LYPD6: variants seen among roughly 807,000 people sequenced by gnomAD.
LYPD6 encodes LY6/PLAUR domain containing 6.
LYPD6 carries 15 observed loss-of-function variants against 22.7 expected under a neutral mutation model. The ratio of observed to expected loss-of-function variants is 0.66; its 90% CI spans 0.44 to 1.02. The LOEUF (loss-of-function observed/expected upper bound fraction) is 1.02, where lower values mean the gene tolerates loss of function less well. Among genes scored for constraint, LYPD6 ranks in the 50% least tolerant of loss-of-function variants. The pLI is 0.00. For missense variants in LYPD6, 189 were observed against 208.4 expected, an observed-to-expected ratio of 0.91 and a Z score of 0.57; for synonymous variants, 72 against 77.5, an observed-to-expected ratio of 0.93 and a Z score of 0.37.
chr2:149,425,866 T>C (rs1683178225), intron 1 of LYPD6, among the ~76,000 whole-genome samples: 1 of 152,212 alleles, frequency 6.6e-6, no homozygotes, highest in Non-Finnish European at 1.5e-5. Context: ...TAGTTTAGGT[T>C]GATTTAGCCA....
intron 1 of LYPD6, among the ~76,000 whole-genome samples, chr2:149,424,023 A>G (rs770104343): frequency 3.2e-4 from 48 of 152,336 alleles, no homozygotes; most frequent in Non-Finnish European, 5.1e-4. Flanking sequence ...TTTCCCCGAA[A>G]GATGCCATCG....
chr2:149,330,132 C>T (rs1036436712), upstream of LYPD6: 1 of 152,124 alleles, frequency 6.6e-6, no homozygotes, highest in Non-Finnish European at 1.5e-5. Context: ...GGCCTGCAGC[C>T]ACGCACGCAG....
At chr2:149,419,743 A>G (rs897080404) in intron 1 of LYPD6, among the ~76,000 whole-genome samples, 5 of 152,218 alleles carry the variant, frequency 3.3e-5, no homozygotes, top group Admixed American at 2.6e-4. Flanking sequence ...ACAACCAGTT[A>G]TCTCATATCA....
intron 1 of LYPD6, among the ~76,000 whole-genome samples, chr2:149,380,293 T>A (rs1032644538): frequency 6.6e-6 from 1 of 152,226 alleles, no homozygotes; most frequent in Admixed American, 6.5e-5. Context: ...AGGGGCGTTC[T>A]AAGCAGAGCG....
chr2:149,402,142 G>T (rs1190886520), intron 1 of LYPD6, among the ~76,000 whole-genome samples: 7 of 151,302 alleles, frequency 4.6e-5, no homozygotes, highest in Non-Finnish European at 8.8e-5. Flanking sequence ...AAAAAAAAAA[G>T]AATAATAGTC....
chr2:149,431,597 C>T (rs992012307), intron 1 of LYPD6, among the ~76,000 whole-genome samples: 1 of 152,120 alleles, frequency 6.6e-6, no homozygotes, highest in Non-Finnish European at 1.5e-5. Flanking sequence ...TATGAATAAA[C>T]AGTCCTGCCC....
chr2:149,432,979 T>C (rs1444518638), intron 1 of LYPD6, among the ~76,000 whole-genome samples: 2 of 152,238 alleles, frequency 1.3e-5, no homozygotes, highest in Non-Finnish European at 2.9e-5. Flanking sequence ...ACATGCTCAT[T>C]AAGATGTTTT....
At chr2:149,349,603 T>C (rs1180675236) in intron 1 of LYPD6, among the ~76,000 whole-genome samples, 1 of 152,246 alleles carries the variant, frequency 6.6e-6, no homozygotes, top group Non-Finnish European at 1.5e-5. Flanking sequence ...GATCATGATA[T>C]GCAAATGATA....
intron 2 of LYPD6, among the ~76,000 whole-genome samples, chr2:149,441,890 G>A (rs556564609): frequency 7.4e-4 from 113 of 152,236 alleles, no homozygotes; most frequent in Non-Finnish European, 1.5e-3. Context: ...TCCTCTGGTT[G>A]CATGTTTTGA....
chr2:149,448,039 A>G (rs1683726700), intron 2 of LYPD6, among the ~76,000 whole-genome samples: 1 of 152,218 alleles, frequency 6.6e-6, no homozygotes, highest in Non-Finnish European at 1.5e-5. Context: ...CATACCTGTA[A>G]TCCCAGCACT....
rs544380057 is a variant in LYPD6, at chr2:149,461,462, T to C, written c.218-7183T>C. On this transcript the variant is annotated intron_variant, in intron 3 of 4. Transcript: ENST00000334166. ...ACTGGAGAATTTTACCAAGTTTTAA[T>C]AGAGGAATTAACACCAATTCTAGAT... 2.1e-3 allele frequency among the ~76,000 whole-genome samples: 315 copies of C among 151,996 alleles called. 1 individual carries two copies. Among genetic ancestry groups the C allele is most frequent in the African/African-American group, 7.3e-3 (303 of 41,518 alleles).
intron 1 of LYPD6, among the ~76,000 whole-genome samples, chr2:149,343,333 A>C (rs74370817): frequency 6.9e-6 from 1 of 145,714 alleles, no homozygotes; most frequent in Non-Finnish European, 1.5e-5. Context: ...ATAATAGATT[A>C]AAAAAAAACT....
intron 1 of LYPD6, among the ~76,000 whole-genome samples, chr2:149,412,565 C>T (rs1174993664): frequency 1.3e-5 from 2 of 152,094 alleles, no homozygotes; most frequent in Admixed American, 1.3e-4. Flanking sequence ...TTTACAGATT[C>T]TGTTGCCAAT....
At chr2:149,435,667 T>C (rs1190495308) in intron 1 of LYPD6, among the ~76,000 whole-genome samples, 1 of 152,228 alleles carries the variant, frequency 6.6e-6, no homozygotes, top group African/African-American at 2.4e-5. Flanking sequence ...GATACTTGTT[T>C]TTTCATCATG....
At chr2:149,456,646 A>AG (rs1680965328) in intron 3 of LYPD6, among the ~76,000 whole-genome samples, 1 of 152,236 alleles carries the variant, frequency 6.6e-6, no homozygotes, top group East Asian at 1.9e-4. Context: ...ACAGGAACTG[A>AG]GGGAAGCTGT....
At chr2:149,355,256 T>C (rs1026271661) in intron 1 of LYPD6, among the ~76,000 whole-genome samples, 2 of 152,216 alleles carry the variant, frequency 1.3e-5, no homozygotes, top group African/African-American at 4.8e-5. Context: ...AGTAGAAGAA[T>C]ACATCTTTTT....
chr2:149,343,425 C>T (rs978144009), intron 1 of LYPD6, among the ~76,000 whole-genome samples: 1 of 152,204 alleles, frequency 6.6e-6, no homozygotes, highest in African/African-American at 2.4e-5. Flanking sequence ...CATCCATCTG[C>T]CTTAAATTAT....
At chr2:149,410,389 C>G (rs563295717) in intron 1 of LYPD6, among the ~76,000 whole-genome samples, 1 of 152,098 alleles carries the variant, frequency 6.6e-6, no homozygotes, top group African/African-American at 2.4e-5. Context: ...ATACATGAGC[C>G]ATTTCCTATG....
chr2:149,446,711 C>T (rs62190605), intron 2 of LYPD6, among the ~76,000 whole-genome samples: 40,796 of 151,934 alleles, frequency 0.27, 6,593 homozygotes, highest in African/African-American at 0.46. Context: ...AGAGAGAGCA[C>T]GCAGATGGGC....
Sources: gnomAD v4.1 joint callset for allele counts (sites outside exome capture counted in the v4.1 genomes callset) on GRCh38, gnomAD v4.1.1 for gene constraint, MANE v1.5 for transcripts, NCBI Gene and HGNC (gene_info 2026-07-23, HGNC 2026-07-21) for gene names.